The following HS3ST5 variants were observed in gnomAD, a reference collection of about 807,000 sequenced individuals.
HS3ST5 encodes the protein heparan sulfate glucosamine 3-O-sulfotransferase 5.
Under a neutral mutation model 25.4 loss-of-function variants are expected in HS3ST5, and 10 were observed. The observed-to-expected ratio is 0.39, with a 90% CI of 0.24 to 0.67. The LOEUF (loss-of-function observed/expected upper bound fraction) is 0.67. HS3ST5 is among the 30% of genes least tolerant of loss of function. The pLI is 0.44. For synonymous variants in HS3ST5, 170 were observed against 162.4 expected, an observed-to-expected ratio of 1.05 and a Z score of -0.36; for missense variants, 324 against 420.7, an observed-to-expected ratio of 0.77 and a Z score of 2.01.
At chr6:114,100,724 A>G (rs73536639) in intron 3 of HS3ST5, among the ~76,000 whole-genome samples, 3,033 of 152,290 alleles carry the variant, frequency 0.02, 108 homozygotes, top group African/African-American at 0.071. Flanking sequence ...AAAGCATTTG[A>G]AGAAGGTGAC....
At chr6:114,230,662 C>T (rs1562246171) in intron 1 of HS3ST5, among the ~76,000 whole-genome samples, 1 of 150,344 alleles carries the variant, frequency 6.7e-6, no homozygotes, top group Non-Finnish European at 1.5e-5. Flanking sequence ...TCTCGGCTCA[C>T]TGCAACCCCC....
intron 2 of HS3ST5, among the ~76,000 whole-genome samples, chr6:114,216,260 A>T (rs1440678018): frequency 6.6e-6 from 1 of 152,256 alleles, no homozygotes; most frequent in East Asian, 1.9e-4. Context: ...CAAATCATTC[A>T]GGCAGCCCTG....
At chr6:114,260,368 C>T (rs1052204983) in intron 1 of HS3ST5, among the ~76,000 whole-genome samples, 1 of 152,190 alleles carries the variant, frequency 6.6e-6, no homozygotes, top group African/African-American at 2.4e-5. Context: ...ATTACAAAAT[C>T]GCTAAAATTC....
chr6:114,060,264 A>T (rs1268694885), intron 4 of HS3ST5, among the ~76,000 whole-genome samples: 1 of 152,176 alleles, frequency 6.6e-6, no homozygotes, highest in African/African-American at 2.4e-5. Flanking sequence ...CGCCTGCCTC[A>T]GCCTCCCAAA....
chr6:114,236,640 T>C (rs1771868462), intron 1 of HS3ST5, among the ~76,000 whole-genome samples: 1 of 152,172 alleles, frequency 6.6e-6, no homozygotes, highest in Non-Finnish European at 1.5e-5. Context: ...ACACAATATT[T>C]TGTGTGTGCG....
chr6:114,117,486 A>G (rs1776588149), intron 3 of HS3ST5, among the ~76,000 whole-genome samples: 1 of 152,174 alleles, frequency 6.6e-6, no homozygotes, highest in Non-Finnish European at 1.5e-5. Flanking sequence ...CCCAGCTTAC[A>G]AAGTTATGGC....
chr6:114,163,102 T>C (rs1236233766), intron 3 of HS3ST5, among the ~76,000 whole-genome samples: 2 of 152,200 alleles, frequency 1.3e-5, no homozygotes, highest in Non-Finnish European at 2.9e-5. Context: ...ATGAAAGCTA[T>C]TCAGTTGTAT....
intron 3 of HS3ST5, among the ~76,000 whole-genome samples, chr6:114,141,954 T>A (rs1777926814): frequency 6.6e-6 from 1 of 151,986 alleles, no homozygotes; most frequent in Non-Finnish European, 1.5e-5. Flanking sequence ...TCCTTATCTA[T>A]TTGAATAAAA....
At chr6:114,312,533 G>A (rs148209399) in intron 1 of HS3ST5, among the ~76,000 whole-genome samples, 50 of 152,070 alleles carry the variant, frequency 3.3e-4, no homozygotes, top group Non-Finnish European at 2.4e-4. Context: ...CTGAGAAATT[G>A]AACTTCATTA....
intron 1 of HS3ST5, among the ~76,000 whole-genome samples, chr6:114,241,145 T>G (rs995078964): frequency 7.9e-5 from 12 of 151,070 alleles, no homozygotes; most frequent in African/African-American, 2.2e-4. Flanking sequence ...TTTTTTTTTT[T>G]TTTTTTTTTA....
chr6:114,083,024 C>T (rs1055143135), intron 3 of HS3ST5, among the ~76,000 whole-genome samples: 9 of 152,234 alleles, frequency 5.9e-5, no homozygotes, highest in Admixed American at 2.0e-4. Context: ...AGTACATTGC[C>T]TTGCTGAGAA....
chr6:114,213,364 A>G (rs1781604972), intron 2 of HS3ST5, among the ~76,000 whole-genome samples: 1 of 151,114 alleles, frequency 6.6e-6, no homozygotes, highest in African/African-American at 2.4e-5. Flanking sequence ...TGGGCAGGGC[A>G]GGCAAAGCTA....
chr6:114,142,871 C>T (rs765784429), intron 3 of HS3ST5: 17 of 152,190 alleles, frequency 1.1e-4, no homozygotes, highest in Non-Finnish European at 1.5e-4. Flanking sequence ...TATCTTCTCA[C>T]CTCACTCACC....
intron 1 of HS3ST5, among the ~76,000 whole-genome samples, chr6:114,233,484 A>G (rs1771706863): frequency 6.6e-6 from 1 of 152,156 alleles, no homozygotes. Context: ...AAAAAATAGA[A>G]CATTTGTGTC....
chr6:114,144,461 G>A (rs1214191100), intron 3 of HS3ST5, among the ~76,000 whole-genome samples: 1 of 150,910 alleles, frequency 6.6e-6, no homozygotes, highest in Non-Finnish European at 1.5e-5. Context: ...GACGGTCTTT[G>A]ATAAGTTGCA....
At position 114,111,799 on chromosome 6, in the gene HS3ST5, A is replaced by G. The variant is rs529907302; in HGVS notation, c.-32-48922T>C. On this transcript the variant is annotated intron_variant, in intron 3 of 4. Transcript: ENST00000312719. ...CATTTTCTTGGGTTTTTCAGTTTCAAAACTCATAAAACCTTGCCATCTCCA... is the reference window on the plus strand; with the variant it reads ...CATTTTCTTGGGTTTTTCAGTTTCAGAACTCATAAAACCTTGCCATCTCCA... 6.0e-4 allele frequency among the ~76,000 whole-genome samples: 92 copies of G among 152,278 alleles called. 1 individual carries two copies. The highest frequency in any genetic ancestry group is 2.0e-3 in the African/African-American group (84 of 41,544).
intron 3 of HS3ST5, among the ~76,000 whole-genome samples, chr6:114,089,334 C>T (rs1052643678): frequency 6.6e-6 from 1 of 152,066 alleles, no homozygotes; most frequent in African/African-American, 2.4e-5. Flanking sequence ...TTTGAATGAC[C>T]CTCTCCAAGT....
At chr6:114,168,213 A>G (rs1779307745) in intron 3 of HS3ST5, 138 bp downstream of exon 3, 1 of 152,196 alleles carries the variant, frequency 6.6e-6, no homozygotes, top group African/African-American at 2.4e-5. Context: ...AAGAGAGGAG[A>G]AAGACCTCCT....
chr6:114,267,583 G>A (rs752709750), intron 1 of HS3ST5, among the ~76,000 whole-genome samples: 22 of 152,168 alleles, frequency 1.4e-4, no homozygotes, highest in Non-Finnish European at 2.4e-4. Context: ...TAAATCTAGC[G>A]TCTAGAGTTG....
Sources: allele counts gnomAD v4.1 joint callset (sites outside exome capture counted in the v4.1 genomes callset), GRCh38; gene constraint gnomAD v4.1.1; transcripts MANE v1.5; gene names NCBI Gene and HGNC (gene_info 2026-07-23, HGNC 2026-07-21).